Variants in ELL3 observed in about 807,000 individuals in gnomAD.
The protein encoded by ELL3 is RNA polymerase II elongation factor ELL3.
A neutral mutation model predicts 58.5 loss-of-function variants in ELL3; 48 were observed. The ratio of observed to expected loss-of-function variants is 0.82; its 90% CI spans 0.65 to 1.04. The LOEUF (loss-of-function observed/expected upper bound fraction) is 1.04, where lower values mean the gene tolerates loss of function less well. Ranked by LOEUF, ELL3 falls within the 50% of genes least tolerant of loss-of-function variation. ELL3 has a pLI of 0.00. For synonymous variants in ELL3, 174 were observed against 173.2 expected, an observed-to-expected ratio of 1.00 and a Z score of -0.04; for missense variants, 458 against 478.4, an observed-to-expected ratio of 0.96 and a Z score of 0.40.
At position 43,774,579 on chromosome 15, in the gene ELL3, T is replaced by C; in HGVS notation, c.823+17A>G. The C allele has an allele frequency of 6.2e-7, 1 of 1,613,926 alleles. No homozygotes were observed. Among genetic ancestry groups the C allele is most frequent in the Non-Finnish European group, 8.5e-7 (1 of 1,179,950 alleles). ...GTCTTTTCCACTGGCATTTTTACCC[T>C]CCTCTCATTAACTCACCTTCTTGAA... On this transcript the variant is annotated intron_variant, in intron 7 of 10. Coordinates refer to ENST00000319359, the MANE Select transcript of ELL3 (RefSeq NM_025165.3).
At chr15:43,776,486 A>G (rs1486760814) in intron 2 of ELL3, 23 bp downstream of exon 2, 9 of 1,560,250 alleles carry the variant, frequency 5.8e-6, no homozygotes, top group Non-Finnish European at 7.8e-6. Flanking sequence ...CACCTCGCTC[A>G]CACACCCTGA....
chr15:43,775,321 C>G lies in ELL3; in HGVS notation c.630G>C (p.Arg210=). Residue 210 remains arginine, a synonymous_variant, in exon 6 of 11, where the codon CGG becomes CGC. Coordinates refer to ENST00000319359, the MANE Select transcript of ELL3 (RefSeq NM_025165.3). The stretch of plus-strand genomic sequence containing the variant: ...TCTAACTTACCTTGTCCAGACGTTT[C>G]CGGCTGGCAGAGGAAGGCAGTGCCT... ...PVQALPSSAS[R]KRLDKKRSVP... 1.2e-6 allele frequency: 2 copies of G among 1,612,234 alleles called. No individual in the cohort carries two copies. Among genetic ancestry groups the G allele is most frequent in the Non-Finnish European group, 1.7e-6 (2 of 1,178,706 alleles).
At chr15:43,775,217 C>G in intron 6 of ELL3, 89 bp downstream of exon 6, 2 of 1,326,248 alleles carry the variant, frequency 1.5e-6, no homozygotes, top group Non-Finnish European at 1.0e-6. Flanking sequence ...TAAATTTTAG[C>G]TTGACTAAAA....
At position 43,776,051 on chromosome 15, in the gene ELL3, T is replaced by C; in HGVS notation, c.269A>G (p.Gln90Arg). The change falls in exon 3 of 11, where the codon CAA becomes CGA. Residue 90 changes from glutamine (Q) to arginine (R), a missense_variant. Transcript: ENST00000319359. ...TGTTCCCCCTCACCTGAGGAAGCGT[T>C]GGCACACAAGGTCCAAGCTACCACC... ...GAGGSLDLVC[Q>R]RFLRSGPNSL... is the part of the protein sequence containing the mutation. 6.2e-7 allele frequency: 1 copy of C among 1,614,116 alleles called. No homozygotes were observed. The highest frequency in any genetic ancestry group is 8.5e-7 in the Non-Finnish European group (1 of 1,180,000).
intron 4 of ELL3, 43 bp downstream of exon 4, chr15:43,775,679 C>T (rs750306906): frequency 1.2e-6 from 2 of 1,613,910 alleles, no homozygotes; most frequent in Admixed American, 3.3e-5. Context: ...TCAGGCTTTG[C>T]CCCACCTTAT....
intron 9 of ELL3, among the ~76,000 whole-genome samples, chr15:43,773,830 T>G (rs780656582): frequency 2.0e-5 from 3 of 151,938 alleles, no homozygotes; most frequent in Non-Finnish European, 4.4e-5. Flanking sequence ...GGTAAAACCC[T>G]GTCTCTACTA....
chr15:43,776,338 C>A (rs1280714628), intron 2 of ELL3, 171 bp downstream of exon 2: 26 of 1,202,832 alleles, frequency 2.2e-5, no homozygotes, highest in Non-Finnish European at 2.9e-5. Flanking sequence ...CAAACCACAG[C>A]CCCCTGGGAC....
intron 1 of ELL3, 97 bp downstream of exon 1, chr15:43,776,673 G>A: frequency 1.9e-6 from 3 of 1,547,770 alleles, no homozygotes; most frequent in Non-Finnish European, 2.6e-6. Flanking sequence ...AGAGCTTGCG[G>A]AAGCCGCTCC....
rs1297551453 is a variant in ELL3, at chr15:43,776,557, C to G, written c.133-13G>C. ...TCACCGGCCGTACCTGCGGGGAGAG[C>G]GAAGATGTGACCGTTGAGCGCAGGT... On this transcript the variant is annotated splice_polypyrimidine_tract_variant and intron_variant, in intron 1 of 10. Coordinates refer to ENST00000319359, the MANE Select transcript of ELL3 (RefSeq NM_025165.3). The G allele has an allele frequency of 6.4e-7, 1 of 1,565,862 alleles. No homozygotes were observed. Among genetic ancestry groups the G allele is most frequent in the African/African-American group, 1.4e-5 (1 of 74,022 alleles).
chr15:43,776,647 G>T, intron 1 of ELL3, 103 bp from the exon 2 acceptor site: 1 of 1,546,208 alleles, frequency 6.5e-7, no homozygotes, highest in South Asian at 1.2e-5. Context: ...GCTTCACTTG[G>T]AGAGGTGGGG....
At chr15:43,776,194 T>C (rs963664328) in intron 2 of ELL3, 43 bp from the exon 3 acceptor site, 19 of 1,526,782 alleles carry the variant, frequency 1.2e-5, no homozygotes, top group East Asian at 4.6e-5. Context: ...AGTCAGCCCC[T>C]CCCCCTCCTG....
chr15:43,776,617 C>T, intron 1 of ELL3, 73 bp from the exon 2 acceptor site: 1 of 1,550,842 alleles, frequency 6.4e-7, no homozygotes, highest in South Asian at 1.2e-5. Flanking sequence ...GTCCGGAGCC[C>T]GGGATCACCT....
rs776619366 is a variant in ELL3 at position 43,776,169 on chromosome 15, C to T, written c.169-18G>A. On this transcript the variant is annotated intron_variant, in intron 2 of 10. Transcript: ENST00000319359. ...CTCAGATACTGGGGGTGGAAGGAGA[C>T]GGTAAGCCCCATGAAGTCAGCCCCT... 24 of 1,606,864 alleles carry T rather than the reference C, an allele frequency of 1.5e-5. No homozygotes were observed. Among genetic ancestry groups the T allele is most frequent in the East Asian group, 2.2e-5 (1 of 44,846 alleles).
At chr15:43,775,649 G>A in intron 4 of ELL3, 39 bp from the exon 5 acceptor site, 1 of 1,613,878 alleles carries the variant, frequency 6.2e-7, no homozygotes, top group Non-Finnish European at 8.5e-7. Context: ...GTTCCCTGGA[G>A]TACTGGGATA....
At position 43,774,687 on chromosome 15, in the gene ELL3, C is replaced by A; in HGVS notation, c.732G>T (p.Leu244=). The A allele has an allele frequency of 6.2e-7, 1 of 1,614,138 alleles. No individual in the cohort carries two copies. Among genetic ancestry groups the A allele is most frequent in the Non-Finnish European group, 8.5e-7 (1 of 1,180,036 alleles). ...LPLVPSPLQG[L]TNQDLQEGED... is the part of the protein sequence containing the mutation. ...CTCCCTCTTGTAAATCCTGATTGGT[C>A]AGGCCTTGTAGGGGGCTTGGCACTA... Residue 244 remains leucine, a synonymous_variant, in exon 7 of 11, where the codon CTG becomes CTT. Coordinates refer to ENST00000319359, the MANE Select transcript of ELL3 (RefSeq NM_025165.3).
chr15:43,773,922 A>G (rs972557504), intron 9 of ELL3, among the ~76,000 whole-genome samples: 10 of 152,156 alleles, frequency 6.6e-5, no homozygotes, highest in Non-Finnish European at 1.0e-4. Context: ...GAATCGCTTT[A>G]GCCTAAGAGG....
chr15:43,775,887 G>A lies in ELL3; in HGVS notation c.318C>T (p.Leu106=), dbSNP rs767274881. 1.9e-6 allele frequency: 3 copies of A among 1,614,184 alleles called. No homozygotes were observed. The Admixed American group carries it at 5.0e-5, about 27-fold the overall frequency. ...CTGCCCAAATAATGAGGCGCTCCCT[G>A]AGTGAGCCCAGGCAGTGGAGGCTGT... ...GPNSLHCLGS[L]RERLIIWAAM... is the part of the protein sequence containing the mutation. The change falls in exon 4 of 11, where the codon CTC becomes CTT. Residue 106 remains leucine (L), a synonymous_variant. Transcript: ENST00000319359.
At position 43,773,131 on chromosome 15, in the gene ELL3, CT is replaced by C. The variant is rs1567160975; in HGVS notation, c.1178del (p.Lys393ArgfsTer28). On this transcript the variant is annotated frameshift_variant, in exon 11 of 11. Coordinates refer to ENST00000319359, the MANE Select transcript of ELL3 (RefSeq NM_025165.3). LOFTEE classifies it high-confidence loss of function. The stretch of plus-strand genomic sequence containing the variant: ...CTTGATAACTTCAGCTGCCCCTGTT[CT>C]TTTCCTCAAACTCCAGGATGAGACC... ...IKGLILEFEE[K>X]NRGS is the part of the protein sequence containing the mutation. 3 of 1,608,454 alleles carry C rather than the reference CT, an allele frequency of 1.9e-6. No individual in the cohort carries two copies. The South Asian group carries it at 3.3e-5, about 18-fold the overall frequency.
intron 9 of ELL3, 48 bp downstream of exon 9, chr15:43,774,134 G>A (rs1288434417): frequency 6.2e-7 from 1 of 1,600,532 alleles, no homozygotes; most frequent in African/African-American, 1.3e-5. Flanking sequence ...GTTAGCAGGG[G>A]GTTAATGGCC....
Sources: gnomAD v4.1 joint callset for allele counts (sites outside exome capture counted in the v4.1 genomes callset) on GRCh38, gnomAD v4.1.1 for gene constraint, MANE v1.5 for transcripts, NCBI Gene and HGNC (gene_info 2026-07-23, HGNC 2026-07-21) for gene names.